Variants in CARM1 observed in about 807,000 individuals in gnomAD.
CARM1 encodes histone-arginine methyltransferase CARM1.
CARM1 carries 14 observed loss-of-function variants against 72.7 expected under a neutral mutation model. The observed-to-expected ratio is 0.19, with a 90% CI of 0.13 to 0.30. The LOEUF (loss-of-function observed/expected upper bound fraction) is 0.30. Among genes scored for constraint, CARM1 ranks in the 10% least tolerant of loss-of-function variants. CARM1 has a pLI of 1.00. For synonymous variants in CARM1, 333 were observed against 345.5 expected (o/e 0.96, Z 0.40); for missense variants, 432 against 833.7 (o/e 0.52, Z 5.93).
At chr19:10,872,387 C>T (rs945904859) in intron 1 of CARM1, among the ~76,000 whole-genome samples, 2 of 152,112 alleles carry the variant, frequency 1.3e-5, no homozygotes, top group Admixed American at 6.5e-5. Flanking sequence ...CCCTGGATAG[C>T]TCAGGACGGT....
chr19:10,901,503 G>T (rs955844289), intron 1 of CARM1, among the ~76,000 whole-genome samples: 2 of 151,166 alleles, frequency 1.3e-5, no homozygotes, highest in African/African-American at 4.9e-5. Flanking sequence ...TTTTTTTGTA[G>T]CGATAGAGAT....
chr19:10,886,843 T>A (rs1461416845), intron 1 of CARM1, among the ~76,000 whole-genome samples: 1 of 150,556 alleles, frequency 6.6e-6, no homozygotes, highest in Non-Finnish European at 1.5e-5. Flanking sequence ...AAAAAAAAAA[T>A]GGGGTCTCAA....
rs113267516 is a variant in CARM1, at chr19:10,920,704, C to G, written c.1380C>G (p.Gly460=). Residue 460 remains glycine (G), a synonymous_variant, in exon 12 of 16, where the codon GGC becomes GGG. Transcript: ENST00000327064. The surrounding 1 kb of genome is among the most constrained non-coding windows in gnomAD (Gnocchi z 5.3). ...ISIVAQVDQT[G]SKSSNLLDLK... The stretch of plus-strand genomic sequence containing the variant: ...TTGTGGCCCAGGTGGACCAGACCGG[C>G]TCCAAGTCCAGTAACCTCCTGGATC... The G allele has an allele frequency of 3.1e-6, 5 of 1,614,168 alleles. No homozygotes were observed. Among genetic ancestry groups the G allele is most frequent in the African/African-American group, 1.3e-5 (1 of 75,036 alleles).
rs1035915253 is a variant in CARM1 at position 10,921,919 on chromosome 19, G to A, written c.*162G>A. Reference sequence around the variant, plus strand: ...CACTTTTTTACACGATGTTGCCGCCGTCCCCACCCTAACCCCCACCTCCCG... The same window carrying A: ...CACTTTTTTACACGATGTTGCCGCCATCCCCACCCTAACCCCCACCTCCCG... On this transcript the variant is annotated 3_prime_UTR_variant, in exon 16 of 16. Transcript: ENST00000327064. The A allele has an allele frequency of 7.3e-5, 48 of 660,008 alleles. No homozygotes were observed. The highest frequency in any genetic ancestry group is 1.5e-4 in the East Asian group (5 of 33,370). The allele number at this position is 660,008 out of a possible 1,614,324, so 40.9% of individuals were successfully genotyped here.
chr19:10,890,104 C>T (rs1289360210), intron 1 of CARM1, among the ~76,000 whole-genome samples: 4 of 152,138 alleles, frequency 2.6e-5, no homozygotes, highest in African/African-American at 9.6e-5. Flanking sequence ...AAAAATTAGC[C>T]TTCCATGGTG....
chr19:10,888,495 A>T (rs1599689813), intron 1 of CARM1, among the ~76,000 whole-genome samples: 1 of 152,176 alleles, frequency 6.6e-6, no homozygotes, highest in Non-Finnish European at 1.5e-5. Context: ...GCCAACACCT[A>T]AGAGTGCTTC....
intron 9 of CARM1, 40 bp from the exon 10 acceptor site, chr19:10,919,837 T>C (rs990027250): frequency 1.2e-5 from 19 of 1,561,014 alleles, no homozygotes; most frequent in Non-Finnish European, 1.7e-5. Context: ...CGGCAGCGCC[T>C]GTCTGGCTTC....
intron 1 of CARM1, among the ~76,000 whole-genome samples, chr19:10,893,505 A>T (rs2074003134): frequency 6.6e-6 from 1 of 151,638 alleles, no homozygotes; most frequent in African/African-American, 2.4e-5. Context: ...CGCCCGGCTA[A>T]TTTTTTTTAT....
At chr19:10,919,767 C>T in intron 9 of CARM1, 87 bp downstream of exon 9, 2 of 1,503,616 alleles carry the variant, frequency 1.3e-6, no homozygotes, top group Non-Finnish European at 9.2e-7. Context: ...TCCTGCCGTC[C>T]CAGGGCAGAT....
In CARM1 at chr19:10,896,159, G is replaced by A. The variant is rs1198024477; in HGVS notation, c.221-8792G>A. Among the ~76,000 whole-genome samples, 1 of 151,968 alleles carries A rather than the reference G, an allele frequency of 6.6e-6. No individual in the cohort carries two copies. Among genetic ancestry groups the A allele is most frequent in the Non-Finnish European group, 1.5e-5 (1 of 67,958 alleles). Reference sequence around the variant, plus strand: ...GGAGGTGACTGAGGCATGGTATGTCGCCCGGCACCATCTGCTCAGTGAGAC... The same window carrying A: ...GGAGGTGACTGAGGCATGGTATGTCACCCGGCACCATCTGCTCAGTGAGAC... On this transcript the variant is annotated intron_variant, in intron 1 of 15. Coordinates refer to ENST00000327064, the MANE Select transcript of CARM1 (RefSeq NM_199141.2). This position sits in a 1 kb window ranked among gnomAD's most constrained non-coding sequence, Gnocchi z 5.2.
intron 1 of CARM1, among the ~76,000 whole-genome samples, chr19:10,873,267 A>G (rs1423639565): frequency 6.6e-6 from 1 of 152,154 alleles, no homozygotes; most frequent in Non-Finnish European, 1.5e-5. Context: ...TCCTCAAAGG[A>G]GTTCCAGGAG....
intron 1 of CARM1, among the ~76,000 whole-genome samples, chr19:10,888,168 C>T (rs2073955267): frequency 2.6e-5 from 4 of 152,230 alleles, no homozygotes; most frequent in Admixed American, 2.6e-4. Flanking sequence ...CACAATGTGA[C>T]AGACCCTCTT....
chr19:10,913,040 G>A (rs1259612076), intron 5 of CARM1, among the ~76,000 whole-genome samples: 3 of 152,078 alleles, frequency 2.0e-5, no homozygotes, highest in South Asian at 2.1e-4. Flanking sequence ...AGCAGTTGTC[G>A]ACGCAGGGTG....
rs558713157 is a variant in CARM1 at position 10,908,207 on chromosome 19, G to A, written c.453+62G>A. ...CCGGCAGCCCCCCTGCCACTCACCCGCAGGAGGCCACACAGCACAGGGAAG... is the reference window on the plus strand; with the variant it reads ...CCGGCAGCCCCCCTGCCACTCACCCACAGGAGGCCACACAGCACAGGGAAG... On this transcript the variant is annotated intron_variant, in intron 3 of 15. Coordinates refer to ENST00000327064, the MANE Select transcript of CARM1 (RefSeq NM_199141.2). 4.2e-5 allele frequency: 46 copies of A among 1,086,498 alleles called. No individual in the cohort carries two copies. The Admixed American group carries it at 6.1e-4, about 15-fold the overall frequency. The allele number at this position is 1,086,498 out of a possible 1,614,324, so 67.3% of individuals were successfully genotyped here.
intron 1 of CARM1, among the ~76,000 whole-genome samples, chr19:10,890,362 G>C (rs976005850): frequency 6.6e-6 from 1 of 151,272 alleles, no homozygotes; most frequent in Non-Finnish European, 1.5e-5. Flanking sequence ...CCGCCTCCCG[G>C]GTTCAAGTGA....
chr19:10,905,313 G>T (rs1259508611), intron 2 of CARM1, among the ~76,000 whole-genome samples: 8 of 152,242 alleles, frequency 5.3e-5, no homozygotes, highest in Non-Finnish European at 8.8e-5. Flanking sequence ...TGGCTTCTAT[G>T]TCCCCACCTC....
intron 1 of CARM1, among the ~76,000 whole-genome samples, chr19:10,879,802 C>CG (rs949375555): frequency 2.0e-5 from 3 of 152,094 alleles, no homozygotes; most frequent in African/African-American, 4.8e-5. Flanking sequence ...TTAGTAGATA[C>CG]GGGGGTCTCA....
At chr19:10,874,812 A>G (rs2073850701) in intron 1 of CARM1, among the ~76,000 whole-genome samples, 1 of 152,208 alleles carries the variant, frequency 6.6e-6, no homozygotes, top group Non-Finnish European at 1.5e-5. Flanking sequence ...ACTTGAGGTC[A>G]GGAGGTTGAG....
rs573087729 is a variant in CARM1 at position 10,888,398 on chromosome 19, A to G, written c.220+16476A>G. ...CCAGCTGAGCCACCTGGAGACTGTCATCGCTCTGTTGCTTGGTTTCCCCTC... is the reference window on the plus strand; with the variant it reads ...CCAGCTGAGCCACCTGGAGACTGTCGTCGCTCTGTTGCTTGGTTTCCCCTC... On this transcript the variant is annotated intron_variant, in intron 1 of 15. Transcript: ENST00000327064. 3.0e-3 allele frequency among the ~76,000 whole-genome samples: 461 copies of G among 152,294 alleles called. 1 individual carries two copies. Among genetic ancestry groups the G allele is most frequent in the African/African-American group, 0.011 (449 of 41,570 alleles).
Sources: allele counts gnomAD v4.1 joint callset (sites outside exome capture counted in the v4.1 genomes callset), GRCh38; gene constraint gnomAD v4.1.1; non-coding constraint Gnocchi (gnomAD v3.1); transcripts MANE v1.5; gene names NCBI Gene and HGNC (gene_info 2026-07-23, HGNC 2026-07-21).